RFX3: variants seen among roughly 807,000 people sequenced by gnomAD.
RFX3 encodes the protein transcription factor RFX3.
Under a neutral mutation model 98.6 loss-of-function variants are expected in RFX3, and 14 were observed. The observed-to-expected ratio is 0.14, with a 90% CI of 0.09 to 0.22. The LOEUF (loss-of-function observed/expected upper bound fraction) is 0.22, where lower values mean the gene tolerates loss of function less well. RFX3 is among the 10% of genes least tolerant of loss of function. The pLI, the probability that RFX3 is intolerant of heterozygous loss-of-function variation, is 1.00. For missense variants in RFX3, 639 were observed against 926.9 expected, an observed-to-expected ratio of 0.69 and a Z score of 4.03; for synonymous variants, 383 against 328.4, an observed-to-expected ratio of 1.17 and a Z score of -1.80.
intron 1 of RFX3, among the ~76,000 whole-genome samples, chr9:3,411,157 T>A (rs976577832): frequency 7.2e-5 from 11 of 152,242 alleles, no homozygotes; most frequent in Admixed American, 6.5e-4. Flanking sequence ...GACGGTGTTT[T>A]CTAAATAAAA....
At chr9:3,501,181 C>G (rs886357708) in intron 1 of RFX3, among the ~76,000 whole-genome samples, 1 of 152,140 alleles carries the variant, frequency 6.6e-6, no homozygotes, top group East Asian at 1.9e-4. Flanking sequence ...ACTAGTAACA[C>G]CCTATTACAT....
At chr9:3,517,906 C>T (rs902245164) in intron 1 of RFX3, among the ~76,000 whole-genome samples, 2 of 152,168 alleles carry the variant, frequency 1.3e-5, no homozygotes, top group African/African-American at 4.8e-5. Flanking sequence ...TTTCTGTCAA[C>T]AACAAACCAC....
intron 11 of RFX3, among the ~76,000 whole-genome samples, chr9:3,269,781 G>A (rs888170636): frequency 2.6e-5 from 4 of 152,100 alleles, no homozygotes; most frequent in Admixed American, 6.6e-5. Flanking sequence ...AATGGAAACC[G>A]CATCTGTAGT....
intron 2 of RFX3, among the ~76,000 whole-genome samples, chr9:3,386,616 G>C (rs888949084): frequency 1.3e-5 from 2 of 152,008 alleles, no homozygotes; most frequent in African/African-American, 4.8e-5. Context: ...AAATACAAGA[G>C]GAAGCCCAGA....
chr9:3,376,384 T>G (rs1838496427), intron 2 of RFX3, among the ~76,000 whole-genome samples: 1 of 152,142 alleles, frequency 6.6e-6, no homozygotes, highest in African/African-American at 2.4e-5. Flanking sequence ...TATACGAATG[T>G]TTGAGACCAG....
At chr9:3,324,121 C>T in intron 4 of RFX3, 1 of 386,516 alleles carries the variant, frequency 2.6e-6, no homozygotes, top group South Asian at 2.1e-5. Context: ...CACAGGAAAA[C>T]AGAAAAAGCT....
intron 1 of RFX3, among the ~76,000 whole-genome samples, chr9:3,510,994 T>C (rs1817617181): frequency 6.6e-6 from 1 of 152,140 alleles, no homozygotes; most frequent in Non-Finnish European, 1.5e-5. Context: ...ACTTTGGTTA[T>C]TTTGTATCAC....
intron 1 of RFX3, among the ~76,000 whole-genome samples, chr9:3,468,785 C>A: frequency 7.2e-6 from 1 of 138,038 alleles, no homozygotes; most frequent in Admixed American, 7.7e-5. Flanking sequence ...GAAAATATTT[C>A]TCAGATTTTT....
chr9:3,404,564 C>G (rs1277022067), intron 1 of RFX3, among the ~76,000 whole-genome samples: 2 of 152,140 alleles, frequency 1.3e-5, no homozygotes, highest in South Asian at 4.1e-4. Context: ...CCTTTAAAAT[C>G]TCCTTACTAT....
At chr9:3,507,425 A>C (rs1417389941) in intron 1 of RFX3, among the ~76,000 whole-genome samples, 1 of 152,038 alleles carries the variant, frequency 6.6e-6, no homozygotes, top group East Asian at 1.9e-4. Flanking sequence ...TATGTCATAT[A>C]CTGTCTTTGA....
At chr9:3,317,526 A>C (rs1830764177) in intron 4 of RFX3, among the ~76,000 whole-genome samples, 1 of 152,226 alleles carries the variant, frequency 6.6e-6, no homozygotes, top group Admixed American at 6.5e-5. Flanking sequence ...AATGGGTTCT[A>C]ATAAAACTAA....
At chr9:3,429,251 T>C (rs939782373) in intron 1 of RFX3, among the ~76,000 whole-genome samples, 2 of 151,046 alleles carry the variant, frequency 1.3e-5, no homozygotes, top group African/African-American at 2.4e-5. Context: ...CTCGATCTCC[T>C]GACCTCGTGA....
At chr9:3,474,490 A>G (rs997305903) in intron 1 of RFX3, among the ~76,000 whole-genome samples, 5 of 152,208 alleles carry the variant, frequency 3.3e-5, no homozygotes, top group African/African-American at 7.2e-5. Flanking sequence ...CTCATTGGTT[A>G]TAAGACTTCC....
chr9:3,339,409 CAT>C (rs34649823), intron 3 of RFX3, among the ~76,000 whole-genome samples: 10,490 of 152,184 alleles, frequency 0.069, 1,018 homozygotes, highest in African/African-American at 0.22. Context: ...TAACCACACA[CAT>C]GTACGTTAAG....
chr9:3,504,182 CATATTATATATTATATATAT>C (rs1564183283), intron 1 of RFX3, among the ~76,000 whole-genome samples: 5 of 85,278 alleles, frequency 5.9e-5, no homozygotes, highest in African/African-American at 5.4e-4. Context: ...ATATATTATA[CATATTATATATTATATATAT>C]TATATATATT....
chr9:3,467,711 T>G (rs1464709537), intron 1 of RFX3, among the ~76,000 whole-genome samples: 1 of 151,920 alleles, frequency 6.6e-6, no homozygotes, highest in African/African-American at 2.4e-5. Context: ...TAAACCCAAG[T>G]AAAAGCATAT....
intron 15 of RFX3, among the ~76,000 whole-genome samples, chr9:3,239,144 T>C (rs950451190): frequency 2.6e-5 from 4 of 152,182 alleles, no homozygotes; most frequent in African/African-American, 9.7e-5. Context: ...CTTAAATGTC[T>C]CCCAAACAAG....
intron 2 of RFX3, among the ~76,000 whole-genome samples, chr9:3,360,248 A>G (rs1397318798): frequency 6.6e-6 from 1 of 152,108 alleles, no homozygotes; most frequent in Non-Finnish European, 1.5e-5. Context: ...AGAATAAACA[A>G]ATATTTTTCA....
At chr9:3,440,612 T>A (rs1845530941) in intron 1 of RFX3, among the ~76,000 whole-genome samples, 1 of 152,180 alleles carries the variant, frequency 6.6e-6, no homozygotes, top group African/African-American at 2.4e-5. Flanking sequence ...AGGTATAACT[T>A]GTTCATGGGT....
Sources: gnomAD v4.1 joint callset for allele counts (sites outside exome capture counted in the v4.1 genomes callset) on GRCh38, gnomAD v4.1.1 for gene constraint, MANE v1.5 for transcripts, NCBI Gene and HGNC (gene_info 2026-07-23, HGNC 2026-07-21) for gene names.